Variants in COLGALT2 observed in about 807,000 individuals in gnomAD.
The protein encoded by COLGALT2 is procollagen galactosyltransferase 2.
In COLGALT2, 49 loss-of-function variants were observed where a neutral mutation model predicts 73.4. The ratio of observed to expected loss-of-function variants is 0.67; its 90% CI spans 0.53 to 0.85. The LOEUF (loss-of-function observed/expected upper bound fraction) is 0.85, where lower values mean the gene tolerates loss of function less well. Ranked by LOEUF, COLGALT2 falls within the 40% of genes least tolerant of loss-of-function variation. COLGALT2 has a pLI of 0.00. For missense variants in COLGALT2, 722 were observed against 790.2 expected, an observed-to-expected ratio of 0.91 and a Z score of 1.03; for synonymous variants, 295 against 307.6, an observed-to-expected ratio of 0.96 and a Z score of 0.43.
At chr1:184,008,568 A>T (rs1305728521) in intron 1 of COLGALT2, among the ~76,000 whole-genome samples, 1 of 152,054 alleles carries the variant, frequency 6.6e-6, no homozygotes, top group African/African-American at 2.4e-5. Flanking sequence ...CACCTCCACA[A>T]GTTTTCTTTA....
At chr1:183,978,348 A>G (rs1400133706) in intron 2 of COLGALT2, 62 bp downstream of exon 2, 3 of 903,518 alleles carry the variant, frequency 3.3e-6, no homozygotes, top group Middle Eastern at 2.2e-4. Flanking sequence ...TGGAAGCCCT[A>G]AAGAGCTAGT....
chr1:183,981,223 TAA>T (rs980272613), intron 1 of COLGALT2, among the ~76,000 whole-genome samples: 4 of 152,060 alleles, frequency 2.6e-5, no homozygotes, highest in African/African-American at 7.2e-5. Context: ...TAAAAATAAA[TAA>T]AGTTTCATCA....
rs534938588 is a variant in COLGALT2, at chr1:184,004,226, T to C, written c.264-25706A>G. Among the ~76,000 whole-genome samples, 103 of 152,208 alleles carry C rather than the reference T, an allele frequency of 6.8e-4. 2 individuals are homozygous for C. Among genetic ancestry groups the C allele is most frequent in the African/African-American group, 2.4e-3 (98 of 41,516 alleles). On this transcript the variant is annotated intron_variant, in intron 1 of 11. Transcript: ENST00000361927. ...AAATGAGAACCTAAGATGTAAAAGGTTGTCACTCTTCCCTAACCATGGCAA... is the reference window on the plus strand; with the variant it reads ...AAATGAGAACCTAAGATGTAAAAGGCTGTCACTCTTCCCTAACCATGGCAA...
At chr1:184,017,403 TCCTCCGGC>T (rs1330850882) in intron 1 of COLGALT2, among the ~76,000 whole-genome samples, 7 of 152,190 alleles carry the variant, frequency 4.6e-5, no homozygotes, top group Non-Finnish European at 8.8e-5. Flanking sequence ...TTGTTGTTTC[TCCTCCGGC>T]CCTCAATTAC....
intron 10 of COLGALT2, among the ~76,000 whole-genome samples, chr1:183,943,516 GAAGGGAAGGAAAAATGA>G (rs951089233): frequency 1.1e-4 from 16 of 152,114 alleles, no homozygotes; most frequent in African/African-American, 3.6e-4. Context: ...AAATGAAAGG[GAAGGGAAGGAAAAATGA>G]AAGGGAAGGG....
rs576682720 is a variant in COLGALT2 at position 183,968,156 on chromosome 1, T to C, written c.832+1113A>G. On this transcript the variant is annotated intron_variant, in intron 5 of 11. Transcript: ENST00000361927. ...TCCACCCTCAGTTATATGGCCACAG[T>C]GAGTTTATTCACCATCTTCTTGGTT... 1.6e-4 allele frequency among the ~76,000 whole-genome samples: 25 copies of C among 152,312 alleles called. No individual in the cohort carries two copies. The South Asian group carries it at 3.3e-3, about 20-fold the overall frequency.
chr1:183,955,799 A>G lies in COLGALT2; in HGVS notation c.953-961T>C, dbSNP rs987071970. Among the ~76,000 whole-genome samples, 11 of 152,358 alleles carry G rather than the reference A, an allele frequency of 7.2e-5. 1 individual carries two copies. The South Asian group carries it at 2.1e-3, about 29-fold the overall frequency. ...AGCTGGTAACTGGGTTGTTGAAAGA[A>G]CTATGGGTAATGGCCATGACTACTG... On this transcript the variant is annotated intron_variant, in intron 6 of 11. Coordinates refer to ENST00000361927, the MANE Select transcript of COLGALT2 (RefSeq NM_015101.4).
At chr1:184,000,779 G>A (rs1671897759) in intron 1 of COLGALT2, among the ~76,000 whole-genome samples, 1 of 149,900 alleles carries the variant, frequency 6.7e-6, no homozygotes, top group African/African-American at 2.5e-5. Context: ...GAAAGGAAGT[G>A]TTGCTAGGTG....
chr1:183,996,907 T>C (rs1671784207), intron 1 of COLGALT2, among the ~76,000 whole-genome samples: 1 of 152,224 alleles, frequency 6.6e-6, no homozygotes, highest in African/African-American at 2.4e-5. Flanking sequence ...ACTTAGGCTT[T>C]TTTACATTTT....
At chr1:183,986,567 T>C (rs1340213553) in intron 1 of COLGALT2, among the ~76,000 whole-genome samples, 1 of 152,228 alleles carries the variant, frequency 6.6e-6, no homozygotes, top group Non-Finnish European at 1.5e-5. Flanking sequence ...ATTTGCTGAT[T>C]GACCAGTTAA....
downstream of COLGALT2, among the ~76,000 whole-genome samples, chr1:183,930,943 T>C (rs1669832661): frequency 6.6e-6 from 1 of 152,188 alleles, no homozygotes; most frequent in Admixed American, 6.5e-5. Context: ...TTGGCAACCA[T>C]TATTGGGTGT....
At chr1:184,011,255 C>T (rs1309435686) in intron 1 of COLGALT2, among the ~76,000 whole-genome samples, 1 of 152,192 alleles carries the variant, frequency 6.6e-6, no homozygotes, top group African/African-American at 2.4e-5. Context: ...CTCGCAGGTG[C>T]CAGCCCCGTG....
At chr1:184,029,911 C>G (rs1317876616) in intron 1 of COLGALT2, among the ~76,000 whole-genome samples, 1 of 152,096 alleles carries the variant, frequency 6.6e-6, no homozygotes, top group Admixed American at 6.5e-5. Context: ...TAAAATATCA[C>G]ACTTATCCAG....
At chr1:183,985,998 G>A (rs1047920141) in intron 1 of COLGALT2, among the ~76,000 whole-genome samples, 11 of 152,178 alleles carry the variant, frequency 7.2e-5, no homozygotes, top group African/African-American at 2.7e-4. Flanking sequence ...AGCAACTACT[G>A]TAATTCATTT....
chr1:184,008,662 C>T (rs889317595), intron 1 of COLGALT2, among the ~76,000 whole-genome samples: 1 of 152,114 alleles, frequency 6.6e-6, no homozygotes, highest in Non-Finnish European at 1.5e-5. Context: ...CCCCAGAGTT[C>T]AAGGCTGCAG....
chr1:183,972,889 T>C (rs181349042), intron 4 of COLGALT2, among the ~76,000 whole-genome samples: 11 of 152,204 alleles, frequency 7.2e-5, no homozygotes, highest in East Asian at 3.9e-4. Context: ...TTAGTAGAGA[T>C]GAGGTTTCAC....
chr1:183,969,680 C>A (rs982851798), intron 4 of COLGALT2, among the ~76,000 whole-genome samples: 2 of 152,094 alleles, frequency 1.3e-5, no homozygotes, highest in African/African-American at 4.8e-5. Flanking sequence ...CTAAAAGGGT[C>A]TTGATATAAG....
intron 8 of COLGALT2, among the ~76,000 whole-genome samples, chr1:183,950,085 G>C (rs1296052793): frequency 6.6e-6 from 1 of 152,174 alleles, no homozygotes; most frequent in Non-Finnish European, 1.5e-5. Flanking sequence ...TGATGTTTGG[G>C]ACAAATTTAA....
intron 2 of COLGALT2, among the ~76,000 whole-genome samples, chr1:183,976,556 T>C (rs1671196993): frequency 1.3e-5 from 2 of 151,968 alleles, no homozygotes; most frequent in Admixed American, 1.3e-4. Context: ...AAAGTAAAAC[T>C]GTAGTAGCTT....
Sources: gnomAD v4.1 joint callset for allele counts (sites outside exome capture counted in the v4.1 genomes callset) on GRCh38, gnomAD v4.1.1 for gene constraint, MANE v1.5 for transcripts, NCBI Gene and HGNC (gene_info 2026-07-23, HGNC 2026-07-21) for gene names.